Variants in TMEM114 observed in about 807,000 individuals in gnomAD.
The protein encoded by TMEM114 is claudin-26.
In TMEM114, 6 loss-of-function variants were observed where a neutral mutation model predicts 6.2. The ratio of observed to expected loss-of-function variants is 0.97; its 90% confidence interval spans 0.53 to 1.91. The LOEUF (loss-of-function observed/expected upper bound fraction) is 1.91, where lower values mean the gene tolerates loss of function less well. Among genes scored for constraint, TMEM114 ranks in the 40% most tolerant of loss-of-function variants. The probability of loss-of-function intolerance (pLI) is 0.01; values close to 1 mark genes in which losing one functional copy is unlikely to be tolerated. For synonymous variants in TMEM114, 104 were observed against 73.0 expected, an observed-to-expected ratio of 1.42 and a Z score of -2.16; for missense variants, 218 against 158.3, an observed-to-expected ratio of 1.38 and a Z score of -2.02.
rs1902420884 is a variant in TMEM114 at position 8,589,599 on chromosome 16, G to C, written c.220+20C>G. ...GGGGCGTTCGCAGCCACAGCTCCCA[G>C]CCACGGGGTGCACCCTTACCCCGGC... On this transcript the variant is annotated intron_variant, in intron 1 of 3. Coordinates refer to ENST00000620492, the MANE Select transcript of TMEM114 (RefSeq NM_001146336.2). 1 of 398,406 alleles carries C rather than the reference G, an allele frequency of 2.5e-6. No individual in the cohort carries two copies. Among genetic ancestry groups the C allele is most frequent in the Non-Finnish European group, 4.4e-6 (1 of 226,000 alleles). The allele number at this position is 398,406 out of a possible 1,614,324, so 24.7% of individuals were successfully genotyped here. A position where few individuals can be genotyped will look rare whatever the true frequency, so the allele number is the denominator to read the frequency against.
chr16:8,578,641 C>A (rs1215944905), intron 2 of TMEM114, among the ~76,000 whole-genome samples: 2 of 152,182 alleles, frequency 1.3e-5, no homozygotes, highest in Non-Finnish European at 2.9e-5. Context: ...ACAGTAGGAA[C>A]TCAATAGATG....
At chr16:8,545,309 G>A (rs903996714) in intron 2 of TMEM114, among the ~76,000 whole-genome samples, 3 of 152,164 alleles carry the variant, frequency 2.0e-5, no homozygotes, top group Admixed American at 1.3e-4. Flanking sequence ...AGTGGCACAT[G>A]CCTGCAGTCC....
chr16:8,578,543 G>C (rs1377129301), intron 2 of TMEM114, among the ~76,000 whole-genome samples: 1 of 152,160 alleles, frequency 6.6e-6, no homozygotes, highest in African/African-American at 2.4e-5. Context: ...TTCTGAATAA[G>C]TCACATTCGC....
In TMEM114 at chr16:8,569,768, C is replaced by T; in HGVS notation, c.*5G>A. ...TCCCTCCCCTCCACGACCCAGCGCC[C>T]AGGCTCATATGGCCTGGTCCTGCCT... On this transcript the variant is annotated 3_prime_UTR_variant, in exon 4 of 4. Transcript: ENST00000620492. 1 of 1,547,754 alleles carries T rather than the reference C, an allele frequency of 6.5e-7. No homozygotes were observed. Among genetic ancestry groups the T allele is most frequent in the Non-Finnish European group, 8.7e-7 (1 of 1,144,924 alleles).
chr16:8,551,203 C>G (rs981466962), intron 2 of TMEM114, among the ~76,000 whole-genome samples: 3 of 152,044 alleles, frequency 2.0e-5, no homozygotes, highest in South Asian at 2.1e-4. Flanking sequence ...AGACTCTGGC[C>G]AAAACATTTG....
rs1901655861 is a variant in TMEM114, at chr16:8,569,611, C to A, written c.*162G>T. The stretch of plus-strand genomic sequence containing the variant: ...AAGCACACAGGTACTAGGATAACAG[C>A]CAGGCCCCAAGCTTAGTCCGCGGGG... On this transcript the variant is annotated 3_prime_UTR_variant, in exon 4 of 4. Transcript: ENST00000620492. 1 of 1,433,540 alleles carries A rather than the reference C, an allele frequency of 7.0e-7. No individual in the cohort carries two copies. Among genetic ancestry groups the A allele is most frequent in the Non-Finnish European group, 9.1e-7 (1 of 1,098,152 alleles). The allele number at this position is 1,433,540 out of a possible 1,614,324, so 88.8% of individuals were successfully genotyped here.
intron 2 of TMEM114, among the ~76,000 whole-genome samples, chr16:8,581,071 T>C (rs1193365999): frequency 1.3e-5 from 2 of 152,198 alleles, no homozygotes; most frequent in Non-Finnish European, 2.9e-5. Context: ...GGCAGTATAT[T>C]TGTCTATCTT....
downstream of TMEM114, among the ~76,000 whole-genome samples, chr16:8,569,056 C>T (rs903122705): frequency 6.6e-6 from 1 of 152,174 alleles, no homozygotes; most frequent in East Asian, 1.9e-4. Context: ...TGGCATCAGC[C>T]CGAGAGTATC....
At chr16:8,548,829 G>A (rs549184334) in intron 2 of TMEM114, among the ~76,000 whole-genome samples, 45 of 152,240 alleles carry the variant, frequency 3.0e-4, no homozygotes, top group African/African-American at 1.0e-3. Context: ...AAGAAATAAA[G>A]CATCTTCCAA....
At chr16:8,558,843 C>A (rs941229953) in intron 2 of TMEM114, among the ~76,000 whole-genome samples, 1 of 146,678 alleles carries the variant, frequency 6.8e-6, no homozygotes, top group Non-Finnish European at 1.5e-5. Context: ...TGGGTTCAAG[C>A]AATTCTCCTG....
intron 2 of TMEM114, among the ~76,000 whole-genome samples, chr16:8,563,199 G>T (rs1055148070): frequency 1.3e-5 from 2 of 151,684 alleles, no homozygotes; most frequent in African/African-American, 2.4e-5. Context: ...GTGAATGAAT[G>T]AGTGAATGAG....
At chr16:8,580,094 C>T (rs1902082753) in intron 2 of TMEM114, among the ~76,000 whole-genome samples, 1 of 152,114 alleles carries the variant, frequency 6.6e-6, no homozygotes, top group African/African-American at 2.4e-5. Context: ...GAGCCAGGGT[C>T]ACAAATAGCC....
At chr16:8,580,435 C>T (rs35004045) in intron 2 of TMEM114, among the ~76,000 whole-genome samples, 35,315 of 149,384 alleles carry the variant, frequency 0.24, 4,636 homozygotes, top group Middle Eastern at 0.31. Flanking sequence ...TGCAGTGAGG[C>T]GAGATCACAC....
At chr16:8,567,310 G>A (rs1240795433), downstream of TMEM114, among the ~76,000 whole-genome samples, 1 of 152,154 alleles carries the variant, frequency 6.6e-6, no homozygotes, top group African/African-American at 2.4e-5. Flanking sequence ...TGTGAGCTAG[G>A]AAGGGTGGAG....
intron 2 of TMEM114, among the ~76,000 whole-genome samples, chr16:8,540,214 T>C (rs1331969031): frequency 6.6e-6 from 1 of 152,206 alleles, no homozygotes; most frequent in Non-Finnish European, 1.5e-5. Flanking sequence ...TAAATATATA[T>C]ATAGCACTTG....
downstream of TMEM114, among the ~76,000 whole-genome samples, chr16:8,533,946 C>T (rs1165485321): frequency 1.3e-5 from 2 of 152,162 alleles, no homozygotes; most frequent in East Asian, 3.9e-4. Context: ...ACTCCTGCTG[C>T]TGTGACATCT....
chr16:8,529,603 C>A, the TMEM114 span, among the ~76,000 whole-genome samples: 1 of 152,114 alleles, frequency 6.6e-6, no homozygotes. Context: ...TAGGCAGAGG[C>A]ACCCAGGAAC....
At position 8,569,874 on chromosome 16, in the gene TMEM114, G is replaced by C; in HGVS notation, c.571C>G (p.Leu191Val). 5 of 1,551,194 alleles carry C rather than the reference G, an allele frequency of 3.2e-6. No individual in the cohort carries two copies. Among genetic ancestry groups the C allele is most frequent in the Non-Finnish European group, 4.4e-6 (5 of 1,146,958 alleles). The change falls in exon 4 of 4, where the codon CTG (leucine) becomes GTG (valine). Residue 191 changes from leucine (L) to valine (V), a missense_variant. By Grantham distance (32) the Leu-to-Val change is conservative. Transcript: ENST00000620492. ...VDISFGWSLA[L>V]GWISFIAELL... ...TCGGCGATGAAGCTGATCCAGCCCA[G>C]GGCCAGGGACCAGCCGAAGCTGATG...
At position 8,544,025 on chromosome 16, in the gene TMEM114, C is replaced by T. The variant is rs191336289; in HGVS notation, n.213-6199G>A. 2.4e-3 allele frequency among the ~76,000 whole-genome samples: 368 copies of T among 152,300 alleles called. 6 individuals carry two copies. The highest frequency in any genetic ancestry group is 0.02 in the Admixed American group (305 of 15,288). The stretch of plus-strand genomic sequence containing the variant: ...GCCTAGACTGCCAGGAAGCGCAACG[C>T]TAAATGCCATGATAAATAATAACAA... On this transcript the variant is annotated intron_variant and non_coding_transcript_variant, in intron 2 of 2. Coordinates refer to the TMEM114 transcript ENST00000623677.
Sources: gnomAD v4.1 joint callset for allele counts (sites outside exome capture counted in the v4.1 genomes callset) on GRCh38, gnomAD v4.1.1 for gene constraint, MANE v1.5 for transcripts, NCBI Gene and HGNC (gene_info 2026-07-23, HGNC 2026-07-21) for gene names.